LRP1B: variants seen among roughly 807,000 people sequenced by gnomAD.
The protein encoded by LRP1B is LDL receptor related protein 1B, also known as low-density lipoprotein receptor-related protein 1B.
LRP1B carries 217 observed loss-of-function variants against 556.6 expected under a neutral mutation model. That is an observed-to-expected ratio of 0.39 (90% CI 0.35 to 0.44). The LOEUF is 0.44. LRP1B is among the 20% of genes least tolerant of loss of function. LRP1B has a pLI of 1.00. For missense variants in LRP1B, 5,053 were observed against 5,620.8 expected (o/e 0.90, Z 3.23); for synonymous variants, 2,047 against 1,865.8 (o/e 1.10, Z -2.50).
Position 141,591,427 on chromosome 2 carries a change from A to C in LRP1B, c.206-110894T>G, listed in dbSNP as rs1687335116. On this transcript the variant is annotated intron_variant, in intron 2 of 90. Transcript: ENST00000389484. ...GCTGACCAGGCCATAGGAAAAAAAA[A>C]ATCGATTAAAATGTTAAAAAAGCTA... is the stretch of plus-strand genomic sequence containing the variant. Among the ~76,000 whole-genome samples, 3 of 151,816 alleles carry C rather than the reference A, an allele frequency of 2.0e-5. No homozygotes were observed. The South Asian group carries it at 6.2e-4, about 32-fold the overall frequency.
In LRP1B at chr2:140,966,077, G is replaced by T. The variant is rs193100384; in HGVS notation, c.2888-14137C>A. ...TCCATTGGGTATATACCCAGTAATG[G>T]GATGGCTGGGTCAAATGGTATTTCT... On this transcript the variant is annotated intron_variant, in intron 18 of 90. Coordinates refer to ENST00000389484, the MANE Select transcript of LRP1B (RefSeq NM_018557.3). Among the ~76,000 whole-genome samples the T allele has an allele frequency of 2.3e-3, 349 of 152,204 alleles. 1 individual carries two copies. The highest frequency in any genetic ancestry group is 8.0e-3 in the African/African-American group (333 of 41,522).
Position 140,776,030 on chromosome 2 carries a change from AG to A in LRP1B, c.5500+67del. On this transcript the variant is annotated intron_variant, in intron 33 of 90. Coordinates refer to ENST00000389484, the MANE Select transcript of LRP1B (RefSeq NM_018557.3). Reference sequence around the variant, plus strand: ...ATAGAAACCTTTTATTGTTGAATTGAGGAGCTAATATAAAAAAGAGCACATT... The same window carrying A: ...ATAGAAACCTTTTATTGTTGAATTGAGAGCTAATATAAAAAAGAGCACATT... 4 of 1,242,892 alleles carry A rather than the reference AG, an allele frequency of 3.2e-6. 1 individual carries two copies. The South Asian group carries it at 5.6e-5, about 17-fold the overall frequency. The allele number at this position is 1,242,892 out of a possible 1,614,324, so 77.0% of individuals were successfully genotyped here.
chr2:141,261,381 A>T lies in LRP1B; in HGVS notation c.344-6740T>A, dbSNP rs76183877. ...TTAATGAAGTCCATATTTTAAATTC[A>T]GCAAAATTCATTCTTTCTCACGTAC... is the stretch of plus-strand genomic sequence containing the variant. On this transcript the variant is annotated intron_variant, in intron 3 of 90. Transcript: ENST00000389484. Among the ~76,000 whole-genome samples, 223 of 152,280 alleles carry T rather than the reference A, an allele frequency of 1.5e-3. 2 individuals are homozygous for T. The East Asian group carries it at 0.039, about 27-fold the overall frequency.
At chr2:141,933,734 TA>T (rs1262281026) in intron 1 of LRP1B, among the ~76,000 whole-genome samples, 15 of 152,098 alleles carry the variant, frequency 9.9e-5, no homozygotes. Context: ...AACAACCAAG[TA>T]AAAACTCAAG....
intron 42 of LRP1B, among the ~76,000 whole-genome samples, 156 bp downstream of exon 42, chr2:140,601,294 T>C (rs1682661475): frequency 7.4e-6 from 1 of 136,048 alleles, no homozygotes; most frequent in Non-Finnish European, 1.6e-5. Flanking sequence ...TTCACATTTA[T>C]AATGCTCTTA....
chr2:141,524,706 A>G (rs1417051054), intron 2 of LRP1B, among the ~76,000 whole-genome samples: 2 of 151,988 alleles, frequency 1.3e-5, no homozygotes, highest in African/African-American at 2.4e-5. Flanking sequence ...ATTACTTTCT[A>G]TGCTATAATT....
At chr2:141,260,285 C>A (rs1434646761) in intron 3 of LRP1B, among the ~76,000 whole-genome samples, 5 of 152,136 alleles carry the variant, frequency 3.3e-5, no homozygotes, top group Non-Finnish European at 2.9e-5. Flanking sequence ...TGCTACATAA[C>A]CATGGGCCAA....
intron 7 of LRP1B, among the ~76,000 whole-genome samples, chr2:141,081,198 C>T (rs1405553712): frequency 6.6e-6 from 1 of 152,046 alleles, no homozygotes; most frequent in African/African-American, 2.4e-5. Flanking sequence ...GTTCAGGTCT[C>T]AGATTTTTGT....
chr2:140,606,867 G>GCCTATTTCTTCCT lies in LRP1B; in HGVS notation c.6800-5229_6800-5228insAGGAAGAAATAGG, dbSNP rs1348620004. 2.5e-4 allele frequency among the ~76,000 whole-genome samples: 38 copies of GCCTATTTCTTCCT among 151,846 alleles called. 1 individual carries two copies. Among genetic ancestry groups the GCCTATTTCTTCCT allele is most frequent in the Non-Finnish European group, 1.3e-4 (9 of 67,848 alleles). On this transcript the variant is annotated intron_variant, in intron 41 of 90. Transcript: ENST00000389484. ...ATGAAACTCTTAGGATAAAAAATAGGAAGAAATCTTCATAACTTTGGGTTA... is the reference window on the plus strand; with the variant it reads ...ATGAAACTCTTAGGATAAAAAATAGGCCTATTTCTTCCTAAGAAATCTTCATAACTTTGGGTTA...
chr2:141,776,400 C>T (rs953543128), intron 2 of LRP1B, among the ~76,000 whole-genome samples: 2 of 152,200 alleles, frequency 1.3e-5, no homozygotes, highest in South Asian at 2.1e-4. Context: ...TGCTGCGACA[C>T]TCAGAGTCCA....
chr2:142,118,579 T>C (rs1027256286), intron 1 of LRP1B, among the ~76,000 whole-genome samples: 1 of 152,168 alleles, frequency 6.6e-6, no homozygotes, highest in East Asian at 1.9e-4. Flanking sequence ...TTATATTCAT[T>C]TTGAACCTGT....
chr2:140,416,653 T>TA (rs113247793), intron 66 of LRP1B, among the ~76,000 whole-genome samples: 81 of 146,508 alleles, frequency 5.5e-4, no homozygotes, highest in Middle Eastern at 3.5e-3. Flanking sequence ...AAACTCTGTC[T>TA]AAAAAAAAAA....
chr2:140,373,030 T>C lies in LRP1B; in HGVS notation c.10746A>G (p.Glu3582=). 6.2e-7 allele frequency: 1 copy of C among 1,613,518 alleles called. No homozygotes were observed. The highest frequency in any genetic ancestry group is 8.5e-7 in the Non-Finnish European group (1 of 1,179,658). Residue 3582 remains glutamate (E), a synonymous_variant, in exon 69 of 91, where the codon GAA becomes GAG. Coordinates refer to ENST00000389484, the MANE Select transcript of LRP1B (RefSeq NM_018557.3). ...CDGHEDCKYG[E]DEKSCEPASP... ...TACCTGGCTCACAGCTTTTCTCATC[T>C]TCCCCATATTTGCAGTCTTCATGGC...
intron 1 of LRP1B, among the ~76,000 whole-genome samples, chr2:142,079,319 G>A (rs1229505907): frequency 6.6e-6 from 1 of 152,026 alleles, no homozygotes; most frequent in Non-Finnish European, 1.5e-5. Context: ...TTTCTCAATA[G>A]CCTTATGTAA....
rs542367216 is a variant in LRP1B at position 141,190,532 on chromosome 2, G to T, written c.851-1949C>A. Among the ~76,000 whole-genome samples the T allele has an allele frequency of 7.9e-5, 12 of 151,816 alleles. No homozygotes were observed. In the South Asian group the frequency reaches 2.1e-3, roughly 26 times the overall value. On this transcript the variant is annotated intron_variant, in intron 6 of 90. Transcript: ENST00000389484. ...AGGTTATGGTTTTATTGCCCTGTGA[G>T]GTATTAAACATTTATATGCCTAACC...
At chr2:140,982,040 A>C (rs2105343269) in intron 18 of LRP1B, 120 bp downstream of exon 18, 1 of 691,478 alleles carries the variant, frequency 1.4e-6, no homozygotes, top group Middle Eastern at 2.7e-4. Context: ...AAAATGCCAT[A>C]TCTTCTGCCT....
intron 1 of LRP1B, among the ~76,000 whole-genome samples, chr2:141,872,740 C>T (rs1282060373): frequency 1.3e-5 from 2 of 151,606 alleles, no homozygotes; most frequent in African/African-American, 4.8e-5. Context: ...ATAAGCAAAT[C>T]ATTTACAAAA....
At chr2:141,905,929 G>C (rs1699746151) in intron 1 of LRP1B, among the ~76,000 whole-genome samples, 1 of 148,406 alleles carries the variant, frequency 6.7e-6, no homozygotes, top group South Asian at 2.1e-4. Flanking sequence ...TCTCTAAGAG[G>C]ACTAGATAAG....
At chr2:140,451,422 G>A (rs1003823556) in intron 62 of LRP1B, among the ~76,000 whole-genome samples, 9 of 152,132 alleles carry the variant, frequency 5.9e-5, no homozygotes, top group African/African-American at 1.9e-4. Flanking sequence ...AACTAATTTA[G>A]GTAATTTGAA....
Sources: gnomAD v4.1 joint callset for allele counts (sites outside exome capture counted in the v4.1 genomes callset) on GRCh38, gnomAD v4.1.1 for gene constraint, MANE v1.5 for transcripts, NCBI Gene and HGNC (gene_info 2026-07-23, HGNC 2026-07-21) for gene names.